Variants in ECT2 observed in about 807,000 individuals in gnomAD.
The protein encoded by ECT2 is epithelial cell transforming 2.
In ECT2, 61 loss-of-function variants were observed where a neutral mutation model predicts 116.9. The ratio of observed to expected loss-of-function variants is 0.52; its 90% CI spans 0.42 to 0.65. ECT2 has a LOEUF of 0.65. Among genes scored for constraint, ECT2 ranks in the 30% least tolerant of loss-of-function variants. The pLI is 0.00. For missense variants in ECT2, 937 were observed against 1,078.7 expected (o/e 0.87, Z 1.84); for synonymous variants, 358 against 346.4 (o/e 1.03, Z -0.37).
chr3:172,815,100 G>A (rs925861570), intron 22 of ECT2, among the ~76,000 whole-genome samples: 3 of 152,128 alleles, frequency 2.0e-5, no homozygotes, highest in Admixed American at 1.3e-4. Flanking sequence ...CCCTTTGCAC[G>A]TGTATACACA....
chr3:172,789,057 CAAA>C (rs71162310), intron 18 of ECT2, among the ~76,000 whole-genome samples: 5 of 99,516 alleles, frequency 5.0e-5, no homozygotes, highest in South Asian at 3.7e-4. Context: ...GACTCTGTCT[CAAA>C]AAAAAAAAAA....
chr3:172,818,501 C>G (rs1456290602), intron 24 of ECT2: 1 of 1,146,952 alleles, frequency 8.7e-7, no homozygotes, highest in African/African-American at 1.6e-5. Flanking sequence ...AAAATACCTT[C>G]AAGACATTAA....
Position 172,762,494 on chromosome 3 carries a change from G to A in ECT2, c.837G>A (p.Leu279=). The change falls in exon 9 of 25, where the codon CTG becomes CTA. Residue 279 remains leucine, a synonymous_variant. Transcript: ENST00000392692. ...PPFQDCILSF[L]GFSDEEKTNM... ...TTCAAGATTGTATTTTAAGTTTCCT[G>A]GGATTTTCAGATGAAGAGAAAACCA... 4 of 1,597,824 alleles carry A rather than the reference G, an allele frequency of 2.5e-6. No homozygotes were observed. The highest frequency in any genetic ancestry group is 1.1e-5 in the South Asian group (1 of 88,304).
At chr3:172,829,055 G>T in the ECT2 span, 2 of 734,236 alleles carry the variant, frequency 2.7e-6, no homozygotes, top group South Asian at 1.4e-5. Flanking sequence ...CTGTGGGAAG[G>T]CTGTTTAGAT....
rs62281207 is a variant in ECT2 at position 172,756,132 on chromosome 3, C to T, written c.303+557C>T. Among the ~76,000 whole-genome samples, 864 of 152,192 alleles carry T rather than the reference C, an allele frequency of 5.7e-3. 8 individuals are homozygous for T. Among genetic ancestry groups the T allele is most frequent in the Middle Eastern group, 0.024 (7 of 294 alleles). Reference sequence around the variant, plus strand: ...CTATTATCTCATTTAACCTTAATTACCTCTTTAAAGTCCTTATCGCCAAAT... The same window carrying T: ...CTATTATCTCATTTAACCTTAATTATCTCTTTAAAGTCCTTATCGCCAAAT... On this transcript the variant is annotated intron_variant, in intron 4 of 24. Coordinates refer to ENST00000392692, the MANE Select transcript of ECT2 (RefSeq NM_001258315.2).
At chr3:172,823,581 G>T (rs1730772143), downstream of ECT2, among the ~76,000 whole-genome samples, 1 of 152,126 alleles carries the variant, frequency 6.6e-6, no homozygotes, top group Non-Finnish European at 1.5e-5. Flanking sequence ...CTGCACATTT[G>T]GTTGCAGATC....
intron 14 of ECT2, among the ~76,000 whole-genome samples, 189 bp from the exon 15 acceptor site, chr3:172,781,974 A>C (rs1722771835): frequency 6.6e-6 from 1 of 152,190 alleles, no homozygotes; most frequent in African/African-American, 2.4e-5. Context: ...AATGTTTTTC[A>C]AAGGATGTTT....
At position 172,775,638 on chromosome 3, in the gene ECT2, C is replaced by A. The variant is rs1354336445; in HGVS notation, c.1548+1616C>A. On this transcript the variant is annotated intron_variant, in intron 14 of 24. Coordinates refer to ENST00000392692, the MANE Select transcript of ECT2 (RefSeq NM_001258315.2). Reference sequence around the variant, plus strand: ...TCAAGTAGGTTTTGTGGGTTTTTTTCTTTTTTTTTTTTTGAGGTGGAGTCT... The same window carrying A: ...TCAAGTAGGTTTTGTGGGTTTTTTTATTTTTTTTTTTTTGAGGTGGAGTCT... Among the ~76,000 whole-genome samples the A allele has an allele frequency of 7.0e-5, 10 of 142,842 alleles. No individual in the cohort carries two copies. In the East Asian group the frequency reaches 8.1e-4, roughly 12 times the overall value. The allele number at this position is 142,842 out of a possible 152,430, so 93.7% of individuals were successfully genotyped here.
At chr3:172,788,419 G>T (rs1242046331) in intron 18 of ECT2, among the ~76,000 whole-genome samples, 1 of 151,950 alleles carries the variant, frequency 6.6e-6, no homozygotes, top group African/African-American at 2.4e-5. Context: ...ATTAATTTCA[G>T]CACACATATG....
intron 12 of ECT2, among the ~76,000 whole-genome samples, chr3:172,765,424 C>A (rs1391525990): frequency 6.6e-6 from 1 of 152,116 alleles, no homozygotes; most frequent in Non-Finnish European, 1.5e-5. Context: ...GCTGATGACT[C>A]CCAAATTTGT....
intron 18 of ECT2, among the ~76,000 whole-genome samples, chr3:172,789,057 CAAAAAAAAAA>C (rs71162310): frequency 1.0e-5 from 1 of 99,562 alleles, no homozygotes; most frequent in Admixed American, 1.1e-4. Flanking sequence ...GACTCTGTCT[CAAAAAAAAAA>C]AAAAAAAAGC....
Position 172,755,304 on chromosome 3 carries a change from C to T in ECT2, c.140C>T (p.Pro47Leu), listed in dbSNP as rs373780438. 15 of 1,600,386 alleles carry T rather than the reference C, an allele frequency of 9.4e-6. No individual in the cohort carries two copies. The highest frequency in any genetic ancestry group is 4.5e-5 in the East Asian group (2 of 44,640). Residue 47 changes from proline (P) to leucine (L), a missense_variant, in exon 3 of 25, where the codon CCT becomes CTT. Pro to Leu is a moderately conservative substitution (Grantham distance 98). Transcript: ENST00000392692. ...GSTSYVEEEM[P>L]QIETRVILVQ... ...TTTTACATTTTAACAGAAGAGATGCCTCAGATTGAAACAAGAGTGATATTG... is the reference window on the plus strand; with the variant it reads ...TTTTACATTTTAACAGAAGAGATGCTTCAGATTGAAACAAGAGTGATATTG...
At position 172,806,581 on chromosome 3, in the gene ECT2, T is replaced by C. The variant is rs544953522; in HGVS notation, c.2245+712T>C. Among the ~76,000 whole-genome samples, 5 of 151,578 alleles carry C rather than the reference T, an allele frequency of 3.3e-5. No individual in the cohort carries two copies. The East Asian group carries it at 9.8e-4, about 30-fold the overall frequency. Reference sequence around the variant, plus strand: ...TTCCTCTAATAATGAAAGGTTTCAGTTTGTGAGAAATTATTCTTTTTTTTT... The same window carrying C: ...TTCCTCTAATAATGAAAGGTTTCAGCTTGTGAGAAATTATTCTTTTTTTTT... On this transcript the variant is annotated intron_variant, in intron 21 of 24. Transcript: ENST00000392692.
intron 18 of ECT2, among the ~76,000 whole-genome samples, chr3:172,798,643 T>C (rs978280706): frequency 6.6e-5 from 10 of 152,256 alleles, no homozygotes; most frequent in African/African-American, 2.4e-4. Flanking sequence ...CTTAAGAAAA[T>C]CTCTCTCAAG....
At chr3:172,772,970 C>T (rs1387827769) in intron 13 of ECT2, among the ~76,000 whole-genome samples, 2 of 152,148 alleles carry the variant, frequency 1.3e-5, no homozygotes, top group Non-Finnish European at 2.9e-5. Context: ...ATGTATGTTT[C>T]TCCCCTCATG....
intron 13 of ECT2, among the ~76,000 whole-genome samples, chr3:172,773,223 T>A (rs1173459052): frequency 1.3e-5 from 2 of 152,142 alleles, no homozygotes; most frequent in African/African-American, 4.8e-5. Context: ...ATACTGTAGT[T>A]TTTAGCATCA....
chr3:172,796,018 T>G (rs1204813124), intron 18 of ECT2, among the ~76,000 whole-genome samples: 13 of 152,100 alleles, frequency 8.5e-5, no homozygotes, highest in African/African-American at 3.1e-4. Context: ...AAGAAAAAAT[T>G]GGAGGAAAAA....
At chr3:172,779,939 T>C (rs1281485159) in intron 14 of ECT2, among the ~76,000 whole-genome samples, 1 of 151,974 alleles carries the variant, frequency 6.6e-6, no homozygotes, top group Admixed American at 6.6e-5. Flanking sequence ...TTCAGTTATT[T>C]TAATAACTTA....
intron 14 of ECT2, among the ~76,000 whole-genome samples, chr3:172,776,928 G>T: frequency 6.6e-6 from 1 of 151,246 alleles, no homozygotes; most frequent in East Asian, 1.9e-4. Context: ...AGGCTGGAGT[G>T]CAGTGGTGCA....
Sources: allele counts gnomAD v4.1 joint callset (sites outside exome capture counted in the v4.1 genomes callset), GRCh38; gene constraint gnomAD v4.1.1; transcripts MANE v1.5; gene names NCBI Gene and HGNC (gene_info 2026-07-23, HGNC 2026-07-21).